Variants in ECT2L observed in about 807,000 individuals in gnomAD.
The protein encoded by ECT2L is epithelial cell transforming 2 like.
Under a neutral mutation model 122.8 loss-of-function variants are expected in ECT2L, and 126 were observed. The observed-to-expected ratio is 1.03, with a 90% confidence interval of 0.89 to 1.19. The LOEUF (loss-of-function observed/expected upper bound fraction) is 1.19, where lower values mean the gene tolerates loss of function less well. Among genes scored for constraint, ECT2L ranks in the 50% most tolerant of loss-of-function variants. ECT2L has a pLI of 0.00. For missense variants in ECT2L, 1,012 were observed against 1,064.1 expected, an observed-to-expected ratio of 0.95 and a Z score of 0.68; for synonymous variants, 385 against 381.8, an observed-to-expected ratio of 1.01 and a Z score of -0.10.
intron 20 of ECT2L, among the ~76,000 whole-genome samples, chr6:138,896,935 C>T (rs1268074183): frequency 6.6e-6 from 1 of 152,092 alleles, no homozygotes; most frequent in Non-Finnish European, 1.5e-5. Context: ...TGTGAGCCAC[C>T]GCACCTGGCC....
intron 15 of ECT2L, among the ~76,000 whole-genome samples, chr6:138,881,451 C>T (rs1485983092): frequency 6.6e-6 from 1 of 151,822 alleles, no homozygotes; most frequent in Admixed American, 6.6e-5. Context: ...GCACCAGGAA[C>T]CAGTTTCATG....
At chr6:138,846,867 T>A (rs1173782942) in intron 8 of ECT2L, among the ~76,000 whole-genome samples, 190 bp downstream of exon 8, 1 of 142,936 alleles carries the variant, frequency 7.0e-6, no homozygotes, top group Non-Finnish European at 1.5e-5. Flanking sequence ...AAGGCTGAGG[T>A]GGGAGGATCA....
chr6:138,850,093 T>C (rs578113194), intron 9 of ECT2L, among the ~76,000 whole-genome samples: 2 of 152,150 alleles, frequency 1.3e-5, no homozygotes, highest in South Asian at 4.1e-4. Flanking sequence ...TGAATTTGAG[T>C]ATTTTAGATA....
In ECT2L at chr6:138,896,211, G is replaced by A. The variant is rs139955994; in HGVS notation, c.2415-4737G>A. On this transcript the variant is annotated intron_variant, in intron 20 of 21. Coordinates refer to ENST00000541398, the MANE Select transcript of ECT2L (RefSeq NM_001077706.3). ...CTCCCAAAGTACTGGGATTACAGGC[G>A]TGAGCCACTGCACGTGGCCAAAGCT... Among the ~76,000 whole-genome samples the A allele has an allele frequency of 5.0e-4, 76 of 151,896 alleles. No homozygotes were observed. In the East Asian group the frequency reaches 0.013, roughly 26 times the overall value.
At position 138,862,592 on chromosome 6, in the gene ECT2L, T is replaced by C. The variant is rs540367176; in HGVS notation, c.1199-35T>C. On this transcript the variant is annotated intron_variant, in intron 10 of 21. Transcript: ENST00000541398. ...ATATGATCTTCCATGGCAAAATATA[T>C]GAGGAAACTAACGAAAGTGTTTTTG... 8.9e-6 allele frequency: 14 copies of C among 1,580,050 alleles called. No individual in the cohort carries two copies. In the African/African-American group the frequency reaches 1.1e-4, roughly 12 times the overall value.
At chr6:138,828,572 A>G (rs1209791881) in intron 4 of ECT2L, among the ~76,000 whole-genome samples, 1 of 152,172 alleles carries the variant, frequency 6.6e-6, no homozygotes, top group Non-Finnish European at 1.5e-5. Context: ...GCTGCCATTG[A>G]CAATCTTCCC....
chr6:138,799,918 A>G (rs1775483243), intron 1 of ECT2L, among the ~76,000 whole-genome samples: 1 of 152,228 alleles, frequency 6.6e-6, no homozygotes, highest in Non-Finnish European at 1.5e-5. Context: ...TGAAGATTCA[A>G]TGAGCCAGTG....
intron 9 of ECT2L, among the ~76,000 whole-genome samples, chr6:138,853,244 G>A (rs1777510134): frequency 6.6e-6 from 1 of 152,188 alleles, no homozygotes; most frequent in Non-Finnish European, 1.5e-5. Flanking sequence ...GGGATTACAG[G>A]CGTGAGCCAC....
At chr6:138,814,710 C>A (rs962998787) in intron 4 of ECT2L, 107 bp downstream of exon 4, 11 of 658,956 alleles carry the variant, frequency 1.7e-5, no homozygotes, top group African/African-American at 7.3e-5. Context: ...GAAAAAAAAA[C>A]AAGGTAATTG....
intron 4 of ECT2L, among the ~76,000 whole-genome samples, chr6:138,836,536 C>G (rs1048342505): frequency 6.6e-6 from 1 of 152,014 alleles, no homozygotes; most frequent in Non-Finnish European, 1.5e-5. Context: ...GATCCACCCA[C>G]CTCGGCCTCC....
At chr6:138,887,081 T>A (rs904186936) in intron 19 of ECT2L, among the ~76,000 whole-genome samples, 159 bp downstream of exon 19, 3 of 152,198 alleles carry the variant, frequency 2.0e-5, no homozygotes, top group Non-Finnish European at 4.4e-5. Flanking sequence ...CCTTGTTACC[T>A]GCAAGGTTGC....
At chr6:138,846,753 T>A in intron 8 of ECT2L, 76 bp downstream of exon 8, 1 of 1,334,666 alleles carries the variant, frequency 7.5e-7, no homozygotes, top group Non-Finnish European at 9.8e-7. Flanking sequence ...GACTAGAGGG[T>A]GTGTGACAAG....
intron 19 of ECT2L, among the ~76,000 whole-genome samples, chr6:138,888,655 C>T (rs566675993): frequency 9.9e-4 from 150 of 152,236 alleles, no homozygotes; most frequent in African/African-American, 3.4e-3. Flanking sequence ...CCCCCAACCC[C>T]CAACTTTGTT....
intron 16 of ECT2L, among the ~76,000 whole-genome samples, chr6:138,884,366 G>A (rs143225400): frequency 7.9e-5 from 12 of 152,150 alleles, no homozygotes; most frequent in South Asian, 4.2e-4. Context: ...GGCTCAGTGC[G>A]GTGGCTCACA....
intron 4 of ECT2L, among the ~76,000 whole-genome samples, chr6:138,819,361 T>C (rs1562456577): frequency 2.0e-5 from 3 of 152,158 alleles, no homozygotes; most frequent in Non-Finnish European, 2.9e-5. Flanking sequence ...ATCCACTGGC[T>C]TGAAGTTCTC....
chr6:138,818,716 G>A (rs1776152841), intron 4 of ECT2L, among the ~76,000 whole-genome samples: 1 of 152,118 alleles, frequency 6.6e-6, no homozygotes, highest in South Asian at 2.1e-4. Context: ...GGAGCAGGAT[G>A]GGGCTCAATG....
chr6:138,830,795 C>A (rs1776624799), intron 4 of ECT2L, among the ~76,000 whole-genome samples: 1 of 152,150 alleles, frequency 6.6e-6, no homozygotes, highest in South Asian at 2.1e-4. Context: ...TGTGGGCATT[C>A]CTCCAGCCTG....
chr6:138,813,445 A>G (rs565302081), intron 3 of ECT2L, 105 bp downstream of exon 3: 10 of 841,250 alleles, frequency 1.2e-5, no homozygotes, highest in Non-Finnish European at 1.6e-5. Flanking sequence ...AACTCTCTAA[A>G]GAATTTAGCT....
intron 9 of ECT2L, among the ~76,000 whole-genome samples, chr6:138,849,789 A>G (rs935808658): frequency 7.9e-5 from 12 of 152,024 alleles, no homozygotes; most frequent in African/African-American, 2.7e-4. Context: ...TGCTGGTCCC[A>G]AACTCTCTCC....
Sources: allele counts gnomAD v4.1 joint callset (sites outside exome capture counted in the v4.1 genomes callset), GRCh38; gene constraint gnomAD v4.1.1; transcripts MANE v1.5; gene names NCBI Gene and HGNC (gene_info 2026-07-23, HGNC 2026-07-21).